EXOC4: variants seen among roughly 807,000 people sequenced by gnomAD.
EXOC4 encodes the protein SEC8-like 1.
Under a neutral mutation model 107.2 loss-of-function variants are expected in EXOC4, and 71 were observed. The observed-to-expected ratio is 0.66, with a 90% CI of 0.55 to 0.81. The LOEUF is 0.81. EXOC4 is among the 30% of genes least tolerant of loss of function. EXOC4 has a pLI of 0.00. For synonymous variants in EXOC4, 456 were observed against 441.2 expected (o/e 1.03, Z -0.42); for missense variants, 1,108 against 1,189.6 (o/e 0.93, Z 1.01).
At chr7:133,261,203 T>C (rs1795143248) in intron 1 of EXOC4, among the ~76,000 whole-genome samples, 1 of 151,938 alleles carries the variant, frequency 6.6e-6, no homozygotes, top group Admixed American at 6.6e-5. Flanking sequence ...TTATCATCTG[T>C]GTCATTTCTG....
rs144700112 is a variant in EXOC4 at position 133,423,853 on chromosome 7, G to A, written c.1182+48851G>A. ...CCCGCACTTGGCACAGCCAGCTGGC[G>A]CCTGCTGGACTTGATAGGGGGACGA... On this transcript the variant is annotated intron_variant, in intron 7 of 17. Coordinates refer to ENST00000253861, the MANE Select transcript of EXOC4 (RefSeq NM_021807.4). Among the ~76,000 whole-genome samples the A allele has an allele frequency of 2.9e-3, 446 of 152,292 alleles. 3 individuals are homozygous for A. Among genetic ancestry groups the A allele is most frequent in the African/African-American group, 0.01 (420 of 41,574 alleles).
chr7:133,567,415 A>G (rs1485248138), intron 9 of EXOC4, among the ~76,000 whole-genome samples: 1 of 151,986 alleles, frequency 6.6e-6, no homozygotes, highest in Admixed American at 6.6e-5. Flanking sequence ...CATAATTTAT[A>G]TAACCAGTCC....
intron 17 of EXOC4, among the ~76,000 whole-genome samples, chr7:134,008,661 G>T (rs968744768): frequency 4.6e-5 from 7 of 151,796 alleles, no homozygotes; most frequent in African/African-American, 1.7e-4. Context: ...TTTTTTTTAA[G>T]TGACAGGGTA....
At chr7:133,717,207 A>G (rs1242323473) in intron 10 of EXOC4, among the ~76,000 whole-genome samples, 1 of 152,226 alleles carries the variant, frequency 6.6e-6, no homozygotes, top group Non-Finnish European at 1.5e-5. Context: ...AAATCAGTGA[A>G]ATTGCCTTTT....
At chr7:133,530,601 C>A (rs1467800402) in intron 9 of EXOC4, among the ~76,000 whole-genome samples, 3 of 152,200 alleles carry the variant, frequency 2.0e-5, no homozygotes, top group Non-Finnish European at 4.4e-5. Context: ...ATGCCGCACA[C>A]AACTATACAT....
At chr7:133,824,941 C>T (rs146028871) in intron 11 of EXOC4, among the ~76,000 whole-genome samples, 360 of 152,178 alleles carry the variant, frequency 2.4e-3, no homozygotes, top group Non-Finnish European at 4.1e-3. Context: ...TCTGAAGTTC[C>T]GTGTAGAATT....
chr7:133,753,550 A>T (rs567304221), intron 10 of EXOC4, among the ~76,000 whole-genome samples: 39 of 152,352 alleles, frequency 2.6e-4, no homozygotes, highest in African/African-American at 8.2e-4. Flanking sequence ...GAAGACATTA[A>T]ATCGCCCTAC....
chr7:133,514,942 C>CT (rs1799844409), intron 9 of EXOC4, among the ~76,000 whole-genome samples: 1 of 152,036 alleles, frequency 6.6e-6, no homozygotes, highest in Non-Finnish European at 1.5e-5. Flanking sequence ...ATAGTCTGAA[C>CT]TTTTTTGTTG....
chr7:133,307,184 A>G (rs974307916), intron 4 of EXOC4, among the ~76,000 whole-genome samples: 1 of 152,214 alleles, frequency 6.6e-6, no homozygotes, highest in Non-Finnish European at 1.5e-5. Flanking sequence ...TTTGCTTGTG[A>G]TGCTTCAGTT....
chr7:133,846,024 A>T (rs6953886), intron 11 of EXOC4, among the ~76,000 whole-genome samples: 1 of 151,838 alleles, frequency 6.6e-6, no homozygotes, highest in African/African-American at 2.4e-5. Flanking sequence ...ACAGTCCCCC[A>T]CACACACACA....
chr7:133,907,899 C>G (rs945986083), intron 12 of EXOC4, among the ~76,000 whole-genome samples: 3 of 152,128 alleles, frequency 2.0e-5, no homozygotes, highest in African/African-American at 4.8e-5. Context: ...CTGCTCTGAA[C>G]TCTTAGCTTC....
intron 10 of EXOC4, among the ~76,000 whole-genome samples, chr7:133,706,375 A>G (rs1794768927): frequency 6.6e-6 from 1 of 152,166 alleles, no homozygotes; most frequent in East Asian, 1.9e-4. Context: ...ATGTGCACAA[A>G]CATATTAGTA....
chr7:133,641,961 A>G (rs1158556647), intron 10 of EXOC4, among the ~76,000 whole-genome samples: 1 of 152,146 alleles, frequency 6.6e-6, no homozygotes, highest in African/African-American at 2.4e-5. Flanking sequence ...TTAAAAAGAA[A>G]CCAACATCCT....
At chr7:133,752,767 A>G (rs1402431309) in intron 10 of EXOC4, among the ~76,000 whole-genome samples, 1 of 152,184 alleles carries the variant, frequency 6.6e-6, no homozygotes, top group Non-Finnish European at 1.5e-5. Context: ...AAGTAACTTG[A>G]CTCAACGTGT....
chr7:133,866,359 G>A (rs1007513206), intron 11 of EXOC4, among the ~76,000 whole-genome samples: 1 of 152,114 alleles, frequency 6.6e-6, no homozygotes, highest in Non-Finnish European at 1.5e-5. Flanking sequence ...GGATGCCCTG[G>A]GCCTTGTGTG....
intron 9 of EXOC4, among the ~76,000 whole-genome samples, chr7:133,513,053 C>T (rs1394706346): frequency 2.0e-5 from 3 of 151,956 alleles, no homozygotes; most frequent in Admixed American, 6.6e-5. Context: ...TGCAGTGAGC[C>T]GAGATCGCGC....
At chr7:134,044,422 A>G (rs560298371) in intron 17 of EXOC4, among the ~76,000 whole-genome samples, 14 of 152,298 alleles carry the variant, frequency 9.2e-5, no homozygotes, top group African/African-American at 1.7e-4. Context: ...CAGGATTTGT[A>G]AAAAACTAGG....
intron 10 of EXOC4, among the ~76,000 whole-genome samples, chr7:133,720,208 G>T (rs1795079914): frequency 6.6e-6 from 1 of 152,094 alleles, no homozygotes; most frequent in Non-Finnish European, 1.5e-5. Flanking sequence ...TTATGTTCTG[G>T]CCTTGGGCCT....
chr7:133,802,943 G>A (rs1378029947), intron 10 of EXOC4, among the ~76,000 whole-genome samples: 1 of 150,862 alleles, frequency 6.6e-6, no homozygotes, highest in Non-Finnish European at 1.5e-5. Flanking sequence ...AACAAGATAT[G>A]CATGTGGGAA....
Sources: gnomAD v4.1 joint callset for allele counts (sites outside exome capture counted in the v4.1 genomes callset) on GRCh38, gnomAD v4.1.1 for gene constraint, MANE v1.5 for transcripts, NCBI Gene and HGNC (gene_info 2026-07-23, HGNC 2026-07-21) for gene names.